Variants in KCNH5 observed in about 807,000 individuals in gnomAD.
KCNH5 encodes the protein voltage-gated delayed rectifier potassium channel KCNH5.
In KCNH5, 46 loss-of-function variants were observed where a neutral mutation model predicts 96.1. The ratio of observed to expected loss-of-function variants is 0.48; its 90% CI spans 0.38 to 0.61. The LOEUF is 0.61. KCNH5 is among the 20% of genes least tolerant of loss of function. The pLI is 0.00. For missense variants in KCNH5, 907 were observed against 1,225.8 expected, an observed-to-expected ratio of 0.74 and a Z score of 3.88; for synonymous variants, 439 against 449.8, an observed-to-expected ratio of 0.98 and a Z score of 0.30.
chr14:63,011,042 G>C (rs889489869), intron 2 of KCNH5, among the ~76,000 whole-genome samples: 1 of 152,154 alleles, frequency 6.6e-6, no homozygotes, highest in Non-Finnish European at 1.5e-5. Flanking sequence ...ACTTAACGCA[G>C]TTGGTAAATG....
At chr14:62,718,771 C>T (rs1361642651) in intron 10 of KCNH5, among the ~76,000 whole-genome samples, 1 of 152,174 alleles carries the variant, frequency 6.6e-6, no homozygotes, top group Non-Finnish European at 1.5e-5. Flanking sequence ...TTCACAGCAG[C>T]ATCATTTATG....
At chr14:62,755,121 T>A (rs990414416) in intron 10 of KCNH5, among the ~76,000 whole-genome samples, 1 of 151,198 alleles carries the variant, frequency 6.6e-6, no homozygotes, top group Non-Finnish European at 1.5e-5. Flanking sequence ...CAGAAATAAA[T>A]AAAATTGAAA....
intron 1 of KCNH5, among the ~76,000 whole-genome samples, chr14:63,017,490 A>G (rs1891347381): frequency 6.6e-6 from 1 of 151,926 alleles, no homozygotes; most frequent in Non-Finnish European, 1.5e-5. Context: ...TTAAATTAAA[A>G]TTATTCAAAG....
At chr14:63,028,933 T>A (rs1891574815) in intron 1 of KCNH5, among the ~76,000 whole-genome samples, 2 of 152,088 alleles carry the variant, frequency 1.3e-5, no homozygotes, top group Non-Finnish European at 2.9e-5. Context: ...CAAACCAACT[T>A]AAAGTTTTTA....
intron 10 of KCNH5, among the ~76,000 whole-genome samples, chr14:62,726,136 A>G (rs1398323981): frequency 6.6e-6 from 1 of 152,210 alleles, no homozygotes; most frequent in East Asian, 1.9e-4. Flanking sequence ...CACACCGTAT[A>G]ACTAAATCAA....
chr14:62,956,171 C>T (rs571077609), intron 6 of KCNH5, among the ~76,000 whole-genome samples: 46 of 152,304 alleles, frequency 3.0e-4, no homozygotes, highest in Admixed American at 2.0e-3. Context: ...TCCCTCTATG[C>T]CTCTGCATAG....
At chr14:62,754,579 TAA>T (rs982529226) in intron 10 of KCNH5, among the ~76,000 whole-genome samples, 1 of 149,230 alleles carries the variant, frequency 6.7e-6, no homozygotes, top group Non-Finnish European at 1.5e-5. Flanking sequence ...AAATGGAAAA[TAA>T]AAAAAATAGA....
rs369061664 is a variant in KCNH5, at chr14:62,873,664, A to G, written c.1370-23812T>C. On this transcript the variant is annotated intron_variant, in intron 7 of 10. Transcript: ENST00000322893. ...TTTACTTACCTGAAAAGATTTATAG[A>G]AGAAAATAATACAATTCCCTATCTG... Among the ~76,000 whole-genome samples, 69 of 152,334 alleles carry G rather than the reference A, an allele frequency of 4.5e-4. 3 individuals are homozygous for G. In the South Asian group the frequency reaches 8.5e-3, roughly 19 times the overall value.
intron 10 of KCNH5, among the ~76,000 whole-genome samples, chr14:62,770,737 T>C (rs1031297743): frequency 6.6e-6 from 1 of 152,250 alleles, no homozygotes; most frequent in Non-Finnish European, 1.5e-5. Context: ...CACTGAATGT[T>C]GTTGCTGCTG....
chr14:62,714,516 C>G (rs1028799735), intron 10 of KCNH5, among the ~76,000 whole-genome samples: 1 of 152,150 alleles, frequency 6.6e-6, no homozygotes, highest in African/African-American at 2.4e-5. Flanking sequence ...TCATGGGCAA[C>G]TGGCAAATTG....
At chr14:62,854,854 A>G (rs1887898880) in intron 7 of KCNH5, among the ~76,000 whole-genome samples, 1 of 150,134 alleles carries the variant, frequency 6.7e-6, no homozygotes, top group African/African-American at 2.4e-5. Context: ...ATTATGACAC[A>G]CAAAAGATGG....
chr14:62,851,960 C>A (rs1887816137), intron 7 of KCNH5, among the ~76,000 whole-genome samples: 1 of 152,016 alleles, frequency 6.6e-6, no homozygotes, highest in African/African-American at 2.4e-5. Flanking sequence ...ATATGAAGAA[C>A]CTGCTAATGT....
At chr14:62,933,252 GA>G (rs1300451343) in intron 7 of KCNH5, among the ~76,000 whole-genome samples, 4 of 151,828 alleles carry the variant, frequency 2.6e-5, no homozygotes, top group African/African-American at 7.2e-5. Context: ...AAGAAACTAA[GA>G]AAAAAAATTG....
chr14:62,714,971 G>A (rs1211137425), intron 10 of KCNH5, among the ~76,000 whole-genome samples: 1 of 152,096 alleles, frequency 6.6e-6, no homozygotes, highest in Non-Finnish European at 1.5e-5. Flanking sequence ...AACCTGTACT[G>A]TTTCTATCAG....
intron 7 of KCNH5, among the ~76,000 whole-genome samples, chr14:62,939,838 G>A (rs1485245134): frequency 6.6e-6 from 1 of 152,028 alleles, no homozygotes. Context: ...TACTTGGGAG[G>A]CTGAGGCAGG....
chr14:62,860,189 A>C (rs1041485996), intron 7 of KCNH5, among the ~76,000 whole-genome samples: 1 of 152,130 alleles, frequency 6.6e-6, no homozygotes, highest in African/African-American at 2.4e-5. Context: ...GTCTCTCAAA[A>C]GGAGAGTAGT....
At chr14:63,043,581 T>G (rs925676640) in intron 1 of KCNH5, among the ~76,000 whole-genome samples, 8 of 152,218 alleles carry the variant, frequency 5.3e-5, no homozygotes, top group African/African-American at 2.4e-5. Flanking sequence ...AAAAGAATAT[T>G]AGGCCAGACC....
intron 7 of KCNH5, among the ~76,000 whole-genome samples, chr14:62,884,432 C>T (rs1888555139): frequency 6.6e-6 from 1 of 152,162 alleles, no homozygotes; most frequent in African/African-American, 2.4e-5. Context: ...CACGACCAGC[C>T]CTGGGCAACA....
intron 8 of KCNH5, among the ~76,000 whole-genome samples, chr14:62,818,106 G>C (rs1249951996): frequency 9.6e-5 from 12 of 125,332 alleles, no homozygotes; most frequent in East Asian, 5.1e-4. Context: ...CAGGAGCTGG[G>C]GGCGGGGGGG....
Sources: allele counts gnomAD v4.1 joint callset (sites outside exome capture counted in the v4.1 genomes callset), GRCh38; gene constraint gnomAD v4.1.1; transcripts MANE v1.5; gene names NCBI Gene and HGNC (gene_info 2026-07-23, HGNC 2026-07-21).